The following CHRM2 variants were observed in gnomAD, a reference collection of about 807,000 sequenced individuals.
CHRM2 encodes muscarinic acetylcholine receptor M2.
CHRM2 carries 8 observed loss-of-function variants against 25.0 expected under a neutral mutation model. That is an observed-to-expected ratio of 0.32 (90% CI 0.19 to 0.58). The LOEUF is 0.58. CHRM2 is among the 20% of genes least tolerant of loss of function. CHRM2 has a pLI of 0.88. For missense variants in CHRM2, 440 were observed against 567.1 expected (o/e 0.78, Z 2.28); for synonymous variants, 202 against 205.7 (o/e 0.98, Z 0.15).
In CHRM2 at chr7:136,962,362, T is replaced by C. The variant is rs566635393; in HGVS notation, c.-124-29825T>C. On this transcript the variant is annotated intron_variant, in intron 2 of 3. Coordinates refer to ENST00000680005, the MANE Select transcript of CHRM2 (RefSeq NM_001006630.2). ...GTTGGCCAGGCTAGTCTCGAACTCCTGGCCTCAAGTGATCAGCCTGTCTCA... is the reference window on the plus strand; with the variant it reads ...GTTGGCCAGGCTAGTCTCGAACTCCCGGCCTCAAGTGATCAGCCTGTCTCA... 3.5e-4 allele frequency among the ~76,000 whole-genome samples: 53 copies of C among 152,272 alleles called. 1 individual carries two copies. Among genetic ancestry groups the C allele is most frequent in the South Asian group, 4.1e-4 (2 of 4,828 alleles).
intron 2 of CHRM2, chr7:136,871,138 C>G (rs1584674950): frequency 2.0e-5 from 3 of 153,578 alleles, no homozygotes; most frequent in East Asian, 3.9e-4. Context: ...CCATGGCCCA[C>G]GCAGGGCTCT....
At chr7:136,941,568 G>A (rs535476677) in intron 2 of CHRM2, among the ~76,000 whole-genome samples, 2 of 152,152 alleles carry the variant, frequency 1.3e-5, no homozygotes, top group East Asian at 3.9e-4. Flanking sequence ...AGCCGAGAGA[G>A]AGGCTTATCT....
intron 2 of CHRM2, among the ~76,000 whole-genome samples, chr7:136,965,947 T>C (rs1384373416): frequency 6.6e-6 from 1 of 151,998 alleles, no homozygotes; most frequent in African/African-American, 2.4e-5. Context: ...AAGCCTTTAT[T>C]TGAAGAAAGA....
chr7:136,956,827 G>GT (rs5887820), intron 2 of CHRM2, among the ~76,000 whole-genome samples: 97,056 of 149,288 alleles, frequency 0.65, 31,862 homozygotes, highest in Non-Finnish European at 0.68. Flanking sequence ...TCATATGAAG[G>GT]TTTTTTTTTT....
intron 3 of CHRM2, among the ~76,000 whole-genome samples, chr7:137,014,274 T>C (rs1465649088): frequency 1.3e-5 from 2 of 151,958 alleles, no homozygotes; most frequent in Admixed American, 6.6e-5. Flanking sequence ...TAAGTATTAT[T>C]ATATTATCTT....
At chr7:136,979,683 C>T (rs537422189) in intron 2 of CHRM2, among the ~76,000 whole-genome samples, 12 of 152,292 alleles carry the variant, frequency 7.9e-5, no homozygotes, top group Admixed American at 2.0e-4. Flanking sequence ...GTTTTCCCAA[C>T]ACCATTTATT....
Position 137,015,396 on chromosome 7 carries a change from C to T in CHRM2, c.531C>T (p.Tyr177=). ...GAACTGTGGAGGATGGGGAGTGCTA[C>T]ATTCAGTTTTTTTCCAATGCTGCTG... ...GVRTVEDGEC[Y]IQFFSNAAVT... is the part of the protein sequence containing the mutation. Residue 177 remains tyrosine, a synonymous_variant, in exon 4 of 4, where the codon TAC becomes TAT. Coordinates refer to ENST00000680005, the MANE Select transcript of CHRM2 (RefSeq NM_001006630.2). This position sits in a 1 kb window ranked among gnomAD's most constrained non-coding sequence, Gnocchi z 5.1. 8.1e-6 allele frequency: 13 copies of T among 1,613,476 alleles called. No homozygotes were observed. The highest frequency in any genetic ancestry group is 1.1e-5 in the Non-Finnish European group (13 of 1,179,644).
intron 2 of CHRM2, among the ~76,000 whole-genome samples, chr7:136,883,441 A>C (rs1255684207): frequency 6.6e-6 from 1 of 152,074 alleles, no homozygotes; most frequent in African/African-American, 2.4e-5. Context: ...TTTATTTTAT[A>C]GTGAGGAGAC....
intron 2 of CHRM2, among the ~76,000 whole-genome samples, chr7:136,900,231 A>G (rs2130612520): frequency 6.6e-6 from 1 of 152,228 alleles, no homozygotes; most frequent in African/African-American, 2.4e-5. Context: ...GAGCAGCCCA[A>G]TGTGGACACT....
intron 3 of CHRM2, among the ~76,000 whole-genome samples, chr7:137,008,061 C>T (rs965650277): frequency 1.3e-4 from 20 of 152,030 alleles, no homozygotes; most frequent in African/African-American, 4.6e-4. Context: ...GAATGGTCAT[C>T]TCTCCTATGT....
At chr7:136,918,221 AC>A (rs1798230392) in intron 2 of CHRM2, among the ~76,000 whole-genome samples, 1 of 152,114 alleles carries the variant, frequency 6.6e-6, no homozygotes, top group Non-Finnish European at 1.5e-5. Context: ...CTAATGAATT[AC>A]ATAATGAGTC....
intron 2 of CHRM2, among the ~76,000 whole-genome samples, chr7:136,944,804 C>T (rs1209019897): frequency 6.6e-6 from 1 of 151,894 alleles, no homozygotes; most frequent in Non-Finnish European, 1.5e-5. Flanking sequence ...GAAGTTTTTG[C>T]CATCACTTTT....
Position 137,015,666 on chromosome 7 carries a change from G to C in CHRM2, c.801G>C (p.Arg267Ser), listed in dbSNP as rs1485924904. The change falls in exon 4 of 4, where the codon AGG becomes AGC. Residue 267 changes from arginine (R) to serine (S), a missense_variant. Around this residue, in one of 5 missense-constraint regions of CHRM2, gnomAD observed 261 missense variants for 261.8 expected, o/e 1.00. Transcript: ENST00000680005. This position sits in a 1 kb window ranked among gnomAD's most constrained non-coding sequence, Gnocchi z 5.1. Reference sequence around the variant, plus strand: ...AAATCCAGAATGGCAAAGCCCCCAGGGATCCTGTGACTGAAAACTGTGTTC... The same window carrying C: ...AAATCCAGAATGGCAAAGCCCCCAGCGATCCTGTGACTGAAAACTGTGTTC... ...HNKIQNGKAP[R>S]DPVTENCVQG... 6.2e-7 allele frequency: 1 copy of C among 1,613,036 alleles called. No homozygotes were observed. The highest frequency in any genetic ancestry group is 1.7e-5 in the Admixed American group (1 of 59,870).
intron 2 of CHRM2, among the ~76,000 whole-genome samples, chr7:136,944,886 C>A (rs189954570): frequency 6.6e-6 from 1 of 152,116 alleles, no homozygotes; most frequent in East Asian, 1.9e-4. Context: ...TAAAAGTTTT[C>A]TTTTCACCAC....
Position 137,014,951 on chromosome 7 carries a change from T to A in CHRM2, c.86T>A (p.Val29Glu). 6.2e-7 allele frequency: 1 copy of A among 1,613,294 alleles called. No individual in the cohort carries two copies. Among genetic ancestry groups the A allele is most frequent in the Non-Finnish European group, 8.5e-7 (1 of 1,179,556 alleles). ...TTTGAAGTGGTGTTTATTGTCCTGG[T>A]GGCTGGATCCCTCAGTTTGGTGACC... ...KTFEVVFIVL[V>E]AGSLSLVTII... The change falls in exon 4 of 4, where the codon GTG becomes GAG. Residue 29 changes from valine (V) to glutamate (E), a missense_variant. Physicochemically the swap from Val to Glu is moderately radical, Grantham distance 121. This residue lies in a region of CHRM2 where 86 missense variants were observed against 124.9 expected (regional missense o/e 0.69). Coordinates refer to ENST00000680005, the MANE Select transcript of CHRM2 (RefSeq NM_001006630.2).
intron 2 of CHRM2, among the ~76,000 whole-genome samples, chr7:136,888,818 A>C (rs1401468532): frequency 2.0e-5 from 3 of 152,102 alleles, no homozygotes; most frequent in Admixed American, 6.5e-5. Flanking sequence ...AGGCCAAGGC[A>C]GGCGGATCAC....
At chr7:136,918,947 G>A (rs1385863578) in intron 2 of CHRM2, among the ~76,000 whole-genome samples, 2 of 152,104 alleles carry the variant, frequency 1.3e-5, no homozygotes, top group Admixed American at 6.6e-5. Context: ...AAATCTGAGT[G>A]TACTGGATAA....
Position 137,015,092 on chromosome 7 carries a change from C to G in CHRM2, c.227C>G (p.Ser76Cys), listed in dbSNP as rs1440850408. ...ACADLIIGVFSMNLYTLYTVI... is the reference protein window; with the variant it reads ...ACADLIIGVFCMNLYTLYTVI... ...GCTGACCTTATCATAGGTGTTTTCT[C>G]CATGAACTTGTACACCCTCTACACT... The change falls in exon 4 of 4, where the codon TCC becomes TGC. Residue 76 changes from serine (S) to cysteine (C), a missense_variant. Physicochemically the swap from Ser to Cys is moderately radical, Grantham distance 112. Coordinates refer to ENST00000680005, the MANE Select transcript of CHRM2 (RefSeq NM_001006630.2). The surrounding 1 kb of genome is among the most constrained non-coding windows in gnomAD (Gnocchi z 5.1). 1.1e-5 allele frequency: 18 copies of G among 1,613,476 alleles called. No homozygotes were observed. Among genetic ancestry groups the G allele is most frequent in the Non-Finnish European group, 1.5e-5 (18 of 1,179,628 alleles).
chr7:136,989,891 C>T (rs192255957), intron 2 of CHRM2, among the ~76,000 whole-genome samples: 68 of 152,204 alleles, frequency 4.5e-4, no homozygotes, highest in African/African-American at 1.5e-3. Flanking sequence ...TTAAGCAGAG[C>T]GCATACGTTT....
Sources: gnomAD v4.1 joint callset for allele counts (sites outside exome capture counted in the v4.1 genomes callset) on GRCh38, gnomAD v4.1.1 for gene constraint, gnomAD v4.1.1 regional missense constraint, Gnocchi (gnomAD v3.1) non-coding constraint, MANE v1.5 for transcripts, NCBI Gene and HGNC (gene_info 2026-07-23, HGNC 2026-07-21) for gene names.